The following PTPRN2 variants were observed in gnomAD, a reference collection of about 807,000 sequenced individuals.
PTPRN2 encodes protein tyrosine phosphatase receptor type N2, also known as receptor-type tyrosine-protein phosphatase N2.
Under a neutral mutation model 118.8 loss-of-function variants are expected in PTPRN2, and 74 were observed. The ratio of observed to expected loss-of-function variants is 0.62; its 90% CI spans 0.52 to 0.76. The LOEUF is 0.76. PTPRN2 is among the 30% of genes least tolerant of loss of function. PTPRN2 has a pLI of 0.00. For synonymous variants in PTPRN2, 641 were observed against 608.0 expected, an observed-to-expected ratio of 1.05 and a Z score of -0.80; for missense variants, 1,481 against 1,394.4, an observed-to-expected ratio of 1.06 and a Z score of -0.99.
intron 12 of PTPRN2, among the ~76,000 whole-genome samples, chr7:157,735,420 T>A (rs2150952196): frequency 6.6e-6 from 1 of 152,284 alleles, no homozygotes; most frequent in East Asian, 1.9e-4. Flanking sequence ...TGCATCTGAC[T>A]TTGCTGGTGA....
chr7:157,898,666 T>A lies in PTPRN2; in HGVS notation c.1788+7A>T, dbSNP rs1413819345. The A allele has an allele frequency of 6.3e-7, 1 of 1,582,944 alleles. No individual in the cohort carries two copies. Among genetic ancestry groups the A allele is most frequent in the South Asian group, 1.1e-5 (1 of 90,462 alleles). ...GCAGAGCAGACGGCACCCCTTCTGTTACTCACCGACCCGACTCCGGTTTGA... is the reference window on the plus strand; with the variant it reads ...GCAGAGCAGACGGCACCCCTTCTGTAACTCACCGACCCGACTCCGGTTTGA... On this transcript the variant is annotated splice_region_variant and intron_variant, in intron 12 of 22. Coordinates refer to ENST00000389418, the MANE Select transcript of PTPRN2 (RefSeq NM_002847.5).
Position 158,142,303 on chromosome 7 carries a change from G to T in PTPRN2, c.911-3788C>A, listed in dbSNP as rs113525269. 2.2e-3 allele frequency among the ~76,000 whole-genome samples: 335 copies of T among 152,316 alleles called. 1 individual carries two copies. Among genetic ancestry groups the T allele is most frequent in the African/African-American group, 7.7e-3 (320 of 41,580 alleles). On this transcript the variant is annotated intron_variant, in intron 6 of 22. Coordinates refer to ENST00000389418, the MANE Select transcript of PTPRN2 (RefSeq NM_002847.5). ...CACGGGCAGCCCCTGGCCCCGGAGC[G>T]GCTGGAACTATTCAAGCTGGGCAGT...
At chr7:157,917,911 T>A (rs1226025948) in intron 11 of PTPRN2, among the ~76,000 whole-genome samples, 1 of 152,186 alleles carries the variant, frequency 6.6e-6, no homozygotes, top group Non-Finnish European at 1.5e-5. Flanking sequence ...CATTTCACGA[T>A]GTAATTGGCT....
At chr7:158,193,617 G>A (rs148375426) in intron 4 of PTPRN2, among the ~76,000 whole-genome samples, 318 of 152,104 alleles carry the variant, frequency 2.1e-3, no homozygotes, top group African/African-American at 7.2e-3. Flanking sequence ...ACGGGGCAGC[G>A]TCTCAGCCTG....
chr7:157,917,003 G>A (rs192496568), intron 11 of PTPRN2, among the ~76,000 whole-genome samples: 2,884 of 135,592 alleles, frequency 0.021, 145 homozygotes, highest in African/African-American at 0.078. Flanking sequence ...CACGCACCCC[G>A]GCCACTCCGG....
chr7:158,363,800 T>G (rs907042857), intron 2 of PTPRN2, among the ~76,000 whole-genome samples: 5 of 152,162 alleles, frequency 3.3e-5, no homozygotes, highest in African/African-American at 1.2e-4. Flanking sequence ...TGTCTGGGTC[T>G]CCACGGATGC....
chr7:158,373,106 C>T (rs1810217492), intron 2 of PTPRN2, among the ~76,000 whole-genome samples: 1 of 152,226 alleles, frequency 6.6e-6, no homozygotes, highest in South Asian at 2.1e-4. Flanking sequence ...GAGGAAACTC[C>T]TGTGGCCACA....
At chr7:158,176,521 G>A (rs751551801) in intron 5 of PTPRN2, among the ~76,000 whole-genome samples, 2 of 152,326 alleles carry the variant, frequency 1.3e-5, no homozygotes, top group Non-Finnish European at 2.9e-5. Context: ...CAGAGGAACC[G>A]TAAGCAGGTC....
At chr7:158,405,103 T>G (rs1813305424) in intron 2 of PTPRN2, among the ~76,000 whole-genome samples, 1 of 141,520 alleles carries the variant, frequency 7.1e-6, no homozygotes, top group East Asian at 2.1e-4. Flanking sequence ...CGGCCCCAGC[T>G]CCCTGGCCCC....
chr7:158,120,978 G>A (rs1237008253), intron 9 of PTPRN2, among the ~76,000 whole-genome samples: 1 of 152,178 alleles, frequency 6.6e-6, no homozygotes, highest in Non-Finnish European at 1.5e-5. Flanking sequence ...CATCCAACCA[G>A]CCTCCCTGCT....
chr7:158,525,716 C>T lies in PTPRN2; in HGVS notation c.113-35931G>A, dbSNP rs1824723316. Among the ~76,000 whole-genome samples the T allele has an allele frequency of 6.6e-6, 1 of 152,204 alleles. No homozygotes were observed. The highest frequency in any genetic ancestry group is 2.4e-5 in the African/African-American group (1 of 41,448). On this transcript the variant is annotated intron_variant, in intron 1 of 22. Coordinates refer to ENST00000389418, the MANE Select transcript of PTPRN2 (RefSeq NM_002847.5). This position sits in a 1 kb window ranked among gnomAD's most constrained non-coding sequence, Gnocchi z 4.1. ...CTAATGTGCCCTCCTCATTCCCAAG[C>T]AGCCCTCGGGGGCAGATGCCCCCAT... is the stretch of plus-strand genomic sequence containing the variant.
At chr7:157,914,385 A>C (rs960771870) in intron 11 of PTPRN2, among the ~76,000 whole-genome samples, 1 of 152,102 alleles carries the variant, frequency 6.6e-6, no homozygotes, top group African/African-American at 2.4e-5. Flanking sequence ...CTGTATCTTC[A>C]AATATTACTT....
At chr7:157,891,795 C>A (rs1051475591) in intron 12 of PTPRN2, among the ~76,000 whole-genome samples, 2 of 152,182 alleles carry the variant, frequency 1.3e-5, no homozygotes, top group African/African-American at 4.8e-5. Context: ...GGGATTCACA[C>A]CCAACTGCCT....
In PTPRN2 at chr7:158,194,137, TTGTGTAAGTGTGTGTG is replaced by T. The variant is rs372372662; in HGVS notation, c.381-1658_381-1643del. ...CGCGCGCGCATGTGCGTGTGTGAGT[TTGTGTAAGTGTGTGTG>T]TGAGTGTGTGAGGGGTGTGAGTGCG... On this transcript the variant is annotated intron_variant, in intron 4 of 22. Coordinates refer to ENST00000389418, the MANE Select transcript of PTPRN2 (RefSeq NM_002847.5). 1.3e-3 allele frequency among the ~76,000 whole-genome samples: 201 copies of T among 149,344 alleles called. 1 individual carries two copies. The highest frequency in any genetic ancestry group is 4.8e-3 in the African/African-American group (189 of 39,048).
At chr7:158,285,167 T>C (rs1799687842) in intron 3 of PTPRN2, among the ~76,000 whole-genome samples, 1 of 152,202 alleles carries the variant, frequency 6.6e-6, no homozygotes, top group African/African-American at 2.4e-5. Context: ...ATGCTGCAAA[T>C]GTATCCTGCC....
intron 3 of PTPRN2, among the ~76,000 whole-genome samples, chr7:158,213,068 C>T (rs898141648): frequency 4.6e-5 from 7 of 152,112 alleles, no homozygotes; most frequent in African/African-American, 1.7e-4. Context: ...CTTATGGTAA[C>T]ACTTTAGCAC....
chr7:158,172,428 C>T (rs1823781633), intron 5 of PTPRN2, among the ~76,000 whole-genome samples: 3 of 152,100 alleles, frequency 2.0e-5, no homozygotes, highest in Admixed American at 2.0e-4. Flanking sequence ...ACAACAGCAT[C>T]CCCACCATCA....
In PTPRN2 at chr7:158,460,528, C is replaced by G. The variant is rs1670371; in HGVS notation, c.163+29207G>C. The stretch of plus-strand genomic sequence containing the variant: ...GGACTCTATCTACATGCTCCTCCTA[C>G]GGGGGCTGTGTGCCGAGACCACAGG... On this transcript the variant is annotated intron_variant, in intron 2 of 22. Transcript: ENST00000389418. 6.3e-3 allele frequency among the ~76,000 whole-genome samples: 937 copies of G among 148,542 alleles called. 2 individuals carry two copies. The highest frequency in any genetic ancestry group is 0.01 in the Non-Finnish European group (686 of 67,126).
intron 6 of PTPRN2, among the ~76,000 whole-genome samples, chr7:158,150,080 A>G (rs896775118): frequency 6.6e-6 from 1 of 152,202 alleles, no homozygotes; most frequent in Non-Finnish European, 1.5e-5. Flanking sequence ...CTGAGGGAAG[A>G]GGCCGTGGGG....
Sources: allele counts gnomAD v4.1 joint callset (sites outside exome capture counted in the v4.1 genomes callset), GRCh38; gene constraint gnomAD v4.1.1; non-coding constraint Gnocchi (gnomAD v3.1); transcripts MANE v1.5; gene names NCBI Gene and HGNC (gene_info 2026-07-23, HGNC 2026-07-21).